NRXN1: variants seen among roughly 807,000 people sequenced by gnomAD.
NRXN1 encodes the protein neurexin-1.
In NRXN1, 39 loss-of-function variants were observed where a neutral mutation model predicts 150.9. The ratio of observed to expected loss-of-function variants is 0.26; its 90% CI spans 0.20 to 0.34. The LOEUF (loss-of-function observed/expected upper bound fraction) is 0.34. Ranked by LOEUF, NRXN1 falls within the 10% of genes least tolerant of loss-of-function variation. NRXN1 has a pLI of 1.00. For synonymous variants in NRXN1, 924 were observed against 757.0 expected (o/e 1.22, Z -3.62); for missense variants, 1,815 against 1,949.9 (o/e 0.93, Z 1.30).
intron 5 of NRXN1, chr2:50,758,071 T>C (rs960390352): frequency 1.3e-5 from 2 of 151,844 alleles, no homozygotes; most frequent in Admixed American, 6.6e-5. Flanking sequence ...ATTGAAGATA[T>C]GTCTGGAGTC....
Position 50,070,544 on chromosome 2 carries a change from G to C in NRXN1, c.3719-15500C>G, listed in dbSNP as rs559648571. On this transcript the variant is annotated intron_variant, in intron 19 of 22. Transcript: ENST00000401669. ...CCAGCACTTTGGGAGGCCGAGGCGG[G>C]CGGATCACAAGGTCAGGAGATCGAG... 6.3e-4 allele frequency among the ~76,000 whole-genome samples: 96 copies of C among 152,004 alleles called. 1 individual carries two copies. The South Asian group carries it at 0.019, about 30-fold the overall frequency.
At chr2:50,510,564 T>A (rs1185773104) in intron 12 of NRXN1, among the ~76,000 whole-genome samples, 2 of 151,128 alleles carry the variant, frequency 1.3e-5, no homozygotes, top group African/African-American at 4.9e-5. Flanking sequence ...TTATGTCTAT[T>A]AAAAGACATC....
intron 5 of NRXN1, among the ~76,000 whole-genome samples, chr2:50,896,444 G>T (rs956151927): frequency 6.2e-4 from 95 of 152,124 alleles, no homozygotes; most frequent in African/African-American, 2.3e-3. Context: ...TAAGTAATTC[G>T]TGTATATATT....
chr2:50,680,626 C>G (rs572603869), intron 5 of NRXN1, among the ~76,000 whole-genome samples: 1 of 151,890 alleles, frequency 6.6e-6, no homozygotes, highest in African/African-American at 2.4e-5. Context: ...TATAATGTAA[C>G]CAAGAATATT....
chr2:50,345,771 T>C lies in NRXN1; in HGVS notation c.3365-108801A>G, dbSNP rs552944261. On this transcript the variant is annotated intron_variant, in intron 17 of 22. Coordinates refer to ENST00000401669, the MANE Select transcript of NRXN1 (RefSeq NM_001330078.2). The stretch of plus-strand genomic sequence containing the variant: ...GGGACAGGGCATTAGGAGAATAGTT[T>C]CCCTTAGCTCTAACTTCTTCTCCAG... Among the ~76,000 whole-genome samples, 4 of 152,308 alleles carry C rather than the reference T, an allele frequency of 2.6e-5. No individual in the cohort carries two copies. The South Asian group carries it at 8.3e-4, about 32-fold the overall frequency.
intron 18 of NRXN1, among the ~76,000 whole-genome samples, chr2:50,143,698 C>T (rs1574144419): frequency 6.6e-6 from 1 of 151,938 alleles, no homozygotes; most frequent in Non-Finnish European, 1.5e-5. Context: ...ATTCAATATC[C>T]ATAGTCTGGC....
intron 18 of NRXN1, among the ~76,000 whole-genome samples, chr2:50,094,751 A>G: frequency 6.7e-6 from 1 of 148,200 alleles, no homozygotes; most frequent in Non-Finnish European, 1.5e-5. Context: ...TGGTGAAGAA[A>G]ACTGAGAAAA....
chr2:50,489,928 G>A (rs1190863040), intron 15 of NRXN1, among the ~76,000 whole-genome samples: 3 of 147,860 alleles, frequency 2.0e-5, no homozygotes, highest in Middle Eastern at 3.4e-3. Context: ...TCAACTTCCC[G>A]CCTCCTTAAG....
chr2:50,688,726 T>G (rs1691625502), intron 5 of NRXN1, among the ~76,000 whole-genome samples: 1 of 152,212 alleles, frequency 6.6e-6, no homozygotes, highest in Admixed American at 6.5e-5. Flanking sequence ...ACTTACATGC[T>G]GTACAGCAAG....
At chr2:50,690,988 T>C (rs947917278) in intron 5 of NRXN1, among the ~76,000 whole-genome samples, 3 of 152,212 alleles carry the variant, frequency 2.0e-5, no homozygotes, top group Admixed American at 2.0e-4. Flanking sequence ...TTTAGGATGT[T>C]GTTTCACAAA....
intron 5 of NRXN1, among the ~76,000 whole-genome samples, chr2:50,808,814 T>A (rs1240923434): frequency 6.6e-6 from 1 of 152,160 alleles, no homozygotes; most frequent in Non-Finnish European, 1.5e-5. Context: ...ACTGCCTCAC[T>A]TTCAACACAT....
Position 50,499,522 on chromosome 2 carries a change from C to T in NRXN1, c.2498-1808G>A, listed in dbSNP as rs1191050054. Reference sequence around the variant, plus strand: ...CCCCCAGTTCTTCTTGTTCAATGACCTCAATATTGTTCTGTGGGGATCTAC... The same window carrying T: ...CCCCCAGTTCTTCTTGTTCAATGACTTCAATATTGTTCTGTGGGGATCTAC... On this transcript the variant is annotated intron_variant, in intron 13 of 22. Transcript: ENST00000401669. Among the ~76,000 whole-genome samples, 4 of 152,148 alleles carry T rather than the reference C, an allele frequency of 2.6e-5. No homozygotes were observed. The East Asian group carries it at 7.7e-4, about 29-fold the overall frequency.
chr2:50,019,186 T>C (rs1031773512), intron 21 of NRXN1: 5 of 471,252 alleles, frequency 1.1e-5, no homozygotes, highest in Admixed American at 2.3e-5. Flanking sequence ...GAAATTTACA[T>C]GTATTCAGCC....
chr2:50,873,259 T>C (rs888595829), intron 5 of NRXN1, among the ~76,000 whole-genome samples: 6 of 151,870 alleles, frequency 4.0e-5, no homozygotes, highest in African/African-American at 9.7e-5. Context: ...AATAACACTA[T>C]ATAAACGGTT....
At chr2:50,916,874 T>A (rs1319800600) in intron 5 of NRXN1, 4 of 151,710 alleles carry the variant, frequency 2.6e-5, no homozygotes, top group Non-Finnish European at 5.9e-5. Flanking sequence ...ATTGGTTAAA[T>A]CACAGCAAGA....
rs796954974 is a variant in NRXN1 at position 50,316,818 on chromosome 2, TA to T, written c.3365-79849del. ...GGTACTAAAATTTAATAAAATAGGGTAAAAAAATGTCAAAATATCAATCAGA... is the reference window on the plus strand; with the variant it reads ...GGTACTAAAATTTAATAAAATAGGGTAAAAAATGTCAAAATATCAATCAGA... On this transcript the variant is annotated intron_variant, in intron 17 of 22. Transcript: ENST00000401669. Among the ~76,000 whole-genome samples, 56 of 151,914 alleles carry T rather than the reference TA, an allele frequency of 3.7e-4. 1 individual carries two copies. Among genetic ancestry groups the T allele is most frequent in the African/African-American group, 1.2e-3 (48 of 41,458 alleles).
chr2:50,365,883 T>C lies in NRXN1; in HGVS notation c.3364+99559A>G, dbSNP rs144131155. On this transcript the variant is annotated intron_variant, in intron 17 of 22. Transcript: ENST00000401669. The stretch of plus-strand genomic sequence containing the variant: ...TGGTGGAACAATCTATTGAATACAC[T>C]ACAAATTCTTTGCAAAAATGAAATA... 2.0e-3 allele frequency among the ~76,000 whole-genome samples: 308 copies of C among 152,146 alleles called. 1 individual carries two copies. Among genetic ancestry groups the C allele is most frequent in the African/African-American group, 7.1e-3 (296 of 41,550 alleles).
intron 17 of NRXN1, among the ~76,000 whole-genome samples, chr2:50,250,287 A>G (rs2152897158): frequency 6.6e-6 from 1 of 152,278 alleles, no homozygotes; most frequent in African/African-American, 2.4e-5. Flanking sequence ...AATTATTTTC[A>G]TAGAAGATAA....
At chr2:50,027,711 G>A (rs1307341884) in intron 21 of NRXN1, among the ~76,000 whole-genome samples, 2 of 152,128 alleles carry the variant, frequency 1.3e-5, no homozygotes, top group Admixed American at 6.5e-5. Flanking sequence ...GAATATAGAT[G>A]GGAGCCATGG....
Sources: gnomAD v4.1 joint callset for allele counts (sites outside exome capture counted in the v4.1 genomes callset) on GRCh38, gnomAD v4.1.1 for gene constraint, MANE v1.5 for transcripts, NCBI Gene and HGNC (gene_info 2026-07-23, HGNC 2026-07-21) for gene names.